The following FHDC1 variants were observed in gnomAD, a reference collection of about 807,000 sequenced individuals.
FHDC1 encodes the protein FH2 domain-containing protein 1.
FHDC1 carries 25 observed loss-of-function variants against 52.6 expected under a neutral mutation model. The observed-to-expected ratio is 0.48, with a 90% confidence interval of 0.35 to 0.66. FHDC1 has a LOEUF of 0.66. FHDC1 is among the 30% of genes least tolerant of loss of function. The pLI is 0.01. For missense variants in FHDC1, 1,459 were observed against 1,452.8 expected (o/e 1.00, Z -0.07); for synonymous variants, 616 against 581.5 (o/e 1.06, Z -0.85).
chr4:152,927,365 C>T, the FHDC1 span: 2 of 727,638 alleles, frequency 2.7e-6, no homozygotes, highest in Non-Finnish European at 5.0e-6. Context: ...AATTGTGAAC[C>T]CAAAATATCT....
In FHDC1 at chr4:152,960,858, T is replaced by A. The variant is rs1340825515; in HGVS notation, c.850+14T>A. On this transcript the variant is annotated intron_variant, in intron 6 of 11. Transcript: ENST00000511601. ...CTGCTATAAAAGGTGAGTCAACATA[T>A]GATCCTTCGCAGAATTTGTTTTTAT... 1 of 1,535,534 alleles carries A rather than the reference T, an allele frequency of 6.5e-7. No homozygotes were observed. Among genetic ancestry groups the A allele is most frequent in the South Asian group, 1.2e-5 (1 of 81,342 alleles).
At position 152,954,333 on chromosome 4, in the gene FHDC1, C is replaced by G. The variant is rs371774296; in HGVS notation, c.663+14C>G. ...GAGTCAGAAGAGGTAAGAAATTCAG[C>G]GCATGAGTTGTAGATGTTAGGAGTG... On this transcript the variant is annotated intron_variant, in intron 4 of 11. Transcript: ENST00000511601. 1 of 1,596,278 alleles carries G rather than the reference C, an allele frequency of 6.3e-7. No homozygotes were observed. Among genetic ancestry groups the G allele is most frequent in the South Asian group, 1.1e-5 (1 of 90,710 alleles).
chr4:152,933,902 G>T (rs909902468), upstream of FHDC1, among the ~76,000 whole-genome samples: 2 of 152,098 alleles, frequency 1.3e-5, no homozygotes, highest in African/African-American at 4.8e-5. Context: ...ATGGGAATCT[G>T]CAGAAGGTTT....
the FHDC1 span, among the ~76,000 whole-genome samples, chr4:152,923,131 CCTT>C: frequency 2.6e-5 from 4 of 152,154 alleles, no homozygotes; most frequent in Non-Finnish European, 5.9e-5. Context: ...CCCAAAATCT[CCTT>C]AAGCTGATAA....
rs1399217450 is a variant in FHDC1, at chr4:152,954,327, A to G, written c.663+8A>G. The G allele has an allele frequency of 6.2e-7, 1 of 1,604,988 alleles. No individual in the cohort carries two copies. The highest frequency in any genetic ancestry group is 2.2e-5 in the East Asian group (1 of 44,834). ...TTGCCAGAGTCAGAAGAGGTAAGAA[A>G]TTCAGCGCATGAGTTGTAGATGTTA... is the stretch of plus-strand genomic sequence containing the variant. On this transcript the variant is annotated splice_region_variant and intron_variant, in intron 4 of 11. Transcript: ENST00000511601.
At chr4:152,914,509 A>T in the FHDC1 span, among the ~76,000 whole-genome samples, 1 of 152,202 alleles carries the variant, frequency 6.6e-6, no homozygotes, top group Non-Finnish European at 1.5e-5. Flanking sequence ...TTAATTGATT[A>T]GTATGCTATC....
Position 152,978,505 on chromosome 4 carries a change from T to G in FHDC1, c.*1782T>G, listed in dbSNP as rs1200744288. On this transcript the variant is annotated 3_prime_UTR_variant, in exon 12 of 12. Coordinates refer to ENST00000511601, the MANE Select transcript of FHDC1 (RefSeq NM_001371116.1). ...AAGAATGTATATCATCGGGAAAAGT[T>G]CGGGGGCAGAGTGGGGGAATCAGGC... 2 of 151,714 alleles carry G rather than the reference T, an allele frequency of 1.3e-5. No homozygotes were observed. Among genetic ancestry groups the G allele is most frequent in the Non-Finnish European group, 2.9e-5 (2 of 68,000 alleles). The allele number at this position is 151,714 out of a possible 1,614,324, so 9.4% of individuals were successfully genotyped here.
intron 2 of FHDC1, among the ~76,000 whole-genome samples, chr4:152,951,714 G>A (rs1228580748): frequency 6.6e-6 from 1 of 152,134 alleles, no homozygotes; most frequent in Non-Finnish European, 1.5e-5. Context: ...GAAAGGAAGA[G>A]CATTATAACA....
chr4:152,931,250 T>A, the FHDC1 span, among the ~76,000 whole-genome samples: 4 of 152,132 alleles, frequency 2.6e-5, no homozygotes, highest in South Asian at 6.2e-4. Context: ...AAATGATAGG[T>A]TTTGATGTTA....
chr4:152,976,343 A>G lies in FHDC1; in HGVS notation c.3052A>G (p.Lys1018Glu), dbSNP rs1331132283. 1 of 1,613,754 alleles carries G rather than the reference A, an allele frequency of 6.2e-7. No homozygotes were observed. The highest frequency in any genetic ancestry group is 1.1e-5 in the South Asian group (1 of 91,076). The stretch of plus-strand genomic sequence containing the variant: ...CCCTGAGAGTCCCAAAGAAGAGCCC[A>G]AGACCCCGTCAGTGCCCAGCGTCCC... ...EGPESPKEEP[K>E]TPSVPSVPHE... Residue 1018 changes from lysine (K) to glutamate (E), a missense_variant, in exon 12 of 12, where the codon AAG (lysine) becomes GAG (glutamate). Around this residue, in one of 3 missense-constraint regions of FHDC1, gnomAD observed 939 missense variants for 854.5 expected, o/e 1.10. Transcript: ENST00000511601.
rs1005490541 is a variant in FHDC1 at position 152,978,104 on chromosome 4, T to C, written c.*1381T>C. 1.3e-5 allele frequency: 2 copies of C among 152,212 alleles called. No individual in the cohort carries two copies. The highest frequency in any genetic ancestry group is 4.8e-5 in the African/African-American group (2 of 41,426). The allele number at this position is 152,212 out of a possible 1,614,324, so 9.4% of individuals were successfully genotyped here. ...GGCAGCCCCTGGTAGAATGCTGGAT[T>C]TCTCTGGAATCTAGAAGTGCCATAT... On this transcript the variant is annotated 3_prime_UTR_variant, in exon 12 of 12. Coordinates refer to ENST00000511601, the MANE Select transcript of FHDC1 (RefSeq NM_001371116.1).
Position 152,976,280 on chromosome 4 carries a change from C to T in FHDC1, c.2989C>T (p.Pro997Ser). The T allele has an allele frequency of 6.2e-7, 1 of 1,613,456 alleles. No homozygotes were observed. Among genetic ancestry groups the T allele is most frequent in the Non-Finnish European group, 8.5e-7 (1 of 1,179,978 alleles). ...KPLRNLPRQK[P>S]EENKTCRAHS... is the part of the protein sequence containing the mutation. Reference sequence around the variant, plus strand: ...ACTCAGGAACCTCCCCAGACAGAAGCCTGAGGAAAATAAGACCTGCCGCGC... The same window carrying T: ...ACTCAGGAACCTCCCCAGACAGAAGTCTGAGGAAAATAAGACCTGCCGCGC... Residue 997 changes from proline to serine, a missense_variant, in exon 12 of 12, where the codon CCT becomes TCT. Pro to Ser is a moderately conservative substitution (Grantham distance 74, BLOSUM62 -1). Coordinates refer to ENST00000511601, the MANE Select transcript of FHDC1 (RefSeq NM_001371116.1).
intron 10 of FHDC1, among the ~76,000 whole-genome samples, chr4:152,970,690 A>G (rs1341086796): frequency 6.6e-6 from 1 of 152,228 alleles, no homozygotes; most frequent in African/African-American, 2.4e-5. Context: ...TACAGCATGA[A>G]TGCACACACT....
At chr4:152,972,244 G>A (rs757109180) in intron 10 of FHDC1, 133 bp from the exon 11 acceptor site, 77 of 870,452 alleles carry the variant, frequency 8.8e-5, no homozygotes, top group Non-Finnish European at 1.3e-4. Flanking sequence ...CATTGGCCTT[G>A]CAATAAACCT....
At position 152,943,379 on chromosome 4, in the gene FHDC1, G is replaced by A. The variant is rs758074498; in HGVS notation, c.322G>A (p.Glu108Lys). The change falls in exon 2 of 12, where the codon GAG becomes AAG. Residue 108 changes from glutamate to lysine, a missense_variant. Around this residue, in one of 3 missense-constraint regions of FHDC1, gnomAD observed 513 missense variants for 581.5 expected, o/e 0.88. Transcript: ENST00000511601. ...CTTTTTTTGGAAAACTATTCCGGAG[G>A]AGCAAGTTCGAGGCAAAACCAACAT... The part of the protein sequence containing the change: ...RSFFWKTIPE[E>K]QVRGKTNIWT... 6.2e-7 allele frequency: 1 copy of A among 1,613,916 alleles called. No individual in the cohort carries two copies. The highest frequency in any genetic ancestry group is 8.5e-7 in the Non-Finnish European group (1 of 1,179,998).
rs1310368749 is a variant in FHDC1 at position 152,977,818 on chromosome 4, C to G, written c.*1095C>G. ...TCTCTGGCTTCAGAGTTTCACCTGCCCACACAGGGTCCGTTGCTGGCAACT... is the reference window on the plus strand; with the variant it reads ...TCTCTGGCTTCAGAGTTTCACCTGCGCACACAGGGTCCGTTGCTGGCAACT... On this transcript the variant is annotated 3_prime_UTR_variant, in exon 12 of 12. Coordinates refer to ENST00000511601, the MANE Select transcript of FHDC1 (RefSeq NM_001371116.1). 6.6e-6 allele frequency: 1 copy of G among 152,146 alleles called. No individual in the cohort carries two copies. The highest frequency in any genetic ancestry group is 1.5e-5 in the Non-Finnish European group (1 of 68,038). 9.4% of individuals were successfully genotyped at this position (152,146 alleles called of 1,614,324 possible). A position where few individuals can be genotyped will look rare whatever the true frequency, so the allele number is the denominator to read the frequency against.
the FHDC1 span, among the ~76,000 whole-genome samples, chr4:152,929,817 G>A: frequency 2.0e-5 from 3 of 152,176 alleles, no homozygotes; most frequent in Non-Finnish European, 2.9e-5. This position sits in a 1 kb window ranked among gnomAD's most constrained non-coding sequence, Gnocchi z 4.1. Flanking sequence ...GGAATGCAAA[G>A]CTAGAAAATA....
rs1468200114 is a variant in FHDC1 at position 152,972,516 on chromosome 4, G to A, written c.1358G>A (p.Cys453Tyr). The part of the protein sequence containing the change: ...DECFQIFRDF[C>Y]TKFNKAVKDN... ...TGCTTTCAGATATTTAGAGATTTCT[G>A]TACCAAATTCAACAAAGCAGTTAAG... The change falls in exon 11 of 12, where the codon TGT becomes TAT. Residue 453 changes from cysteine to tyrosine, a missense_variant. Physicochemically the swap from Cys to Tyr is radical, Grantham distance 194. This residue lies in a region of FHDC1 where 513 missense variants were observed against 581.5 expected (regional missense o/e 0.88). Transcript: ENST00000511601. 6.2e-7 allele frequency: 1 copy of A among 1,608,188 alleles called. No individual in the cohort carries two copies. The highest frequency in any genetic ancestry group is 1.1e-5 in the South Asian group (1 of 89,448).
At position 152,972,464 on chromosome 4, in the gene FHDC1, G is replaced by A. The variant is rs1203398504; in HGVS notation, c.1306G>A (p.Asp436Asn). The change falls in exon 11 of 12, where the codon GAC (aspartate) becomes AAC (asparagine). Residue 436 changes from aspartate to asparagine, a missense_variant. This residue lies in a region of FHDC1 where 513 missense variants were observed against 581.5 expected (regional missense o/e 0.88). Coordinates refer to ENST00000511601, the MANE Select transcript of FHDC1 (RefSeq NM_001371116.1). ...AYTLIDFFCE[D>N]KKTMKLDECF... ...CACCCTTATAGATTTTTTCTGTGAA[G>A]ACAAAAAAACCATGAAACTGGATGA... is the stretch of plus-strand genomic sequence containing the variant. The A allele has an allele frequency of 1.2e-6, 2 of 1,613,400 alleles. No individual in the cohort carries two copies. Among genetic ancestry groups the A allele is most frequent in the East Asian group, 2.2e-5 (1 of 44,874 alleles).
Sources: allele counts gnomAD v4.1 joint callset (sites outside exome capture counted in the v4.1 genomes callset), GRCh38; gene constraint gnomAD v4.1.1; regional missense constraint gnomAD v4.1.1; non-coding constraint Gnocchi (gnomAD v3.1); transcripts MANE v1.5; gene names NCBI Gene and HGNC (gene_info 2026-07-23, HGNC 2026-07-21).